The following WDR27 variants were observed in gnomAD, a reference collection of about 807,000 sequenced individuals.
The protein encoded by WDR27 is WD repeat domain 27.
A neutral mutation model predicts 114.4 loss-of-function variants in WDR27; 100 were observed. The ratio of observed to expected loss-of-function variants is 0.87; its 90% confidence interval spans 0.74 to 1.03. The LOEUF is 1.03. Among genes scored for constraint, WDR27 ranks in the 50% least tolerant of loss-of-function variants. The pLI is 0.00. For synonymous variants in WDR27, 449 were observed against 423.1 expected (o/e 1.06, Z -0.75); for missense variants, 1,129 against 1,092.9 (o/e 1.03, Z -0.47).
At chr6:169,638,407 T>C (rs1380683038) in intron 18 of WDR27, 132 bp downstream of exon 18, 2 of 1,183,246 alleles carry the variant, frequency 1.7e-6, no homozygotes, top group East Asian at 2.7e-5. Context: ...TCAGTAACTT[T>C]TATTGCATTA....
At position 169,580,933 on chromosome 6, in the gene WDR27, T is replaced by A. The variant is rs143766110; in HGVS notation, c.2523+1903A>T. Among the ~76,000 whole-genome samples the A allele has an allele frequency of 9.3e-4, 50 of 53,692 alleles. No homozygotes were observed. In the East Asian group the frequency reaches 0.048, roughly 52 times the overall value. The allele number at this position is 53,692 out of a possible 152,430, so 35.2% of individuals were successfully genotyped here. ...TTAAAAATAAGGAACTTAGTGAATT[T>A]TATATATATATATATATATACATAT... On this transcript the variant is annotated intron_variant, in intron 24 of 25. Coordinates refer to ENST00000448612, the MANE Select transcript of WDR27 (RefSeq NM_182552.5).
chr6:169,656,094 G>A (rs1562833526), intron 13 of WDR27, among the ~76,000 whole-genome samples: 1 of 152,146 alleles, frequency 6.6e-6, no homozygotes, highest in Non-Finnish European at 1.5e-5. Context: ...CCTCAGTCAG[G>A]TGGTCCCCCA....
chr6:169,524,279 G>A (rs550501321), intron 25 of WDR27, among the ~76,000 whole-genome samples: 15 of 152,084 alleles, frequency 9.9e-5, no homozygotes, highest in Admixed American at 2.6e-4. Context: ...GAAAGAAACC[G>A]AAGAGGACAT....
At chr6:169,488,749 G>C (rs1763223974) in intron 25 of WDR27, among the ~76,000 whole-genome samples, 2 of 152,182 alleles carry the variant, frequency 1.3e-5, no homozygotes, top group African/African-American at 4.8e-5. Context: ...CTGTGACTGA[G>C]GTGGGAGCAA....
At chr6:169,442,364 T>C in the WDR27 span, among the ~76,000 whole-genome samples, 1 of 152,226 alleles carries the variant, frequency 6.6e-6, no homozygotes, top group East Asian at 1.9e-4. Context: ...TGCCTGTTAA[T>C]GTTTTATGTC....
rs780563286 is a variant in WDR27, at chr6:169,647,860, G to C, written c.1570C>G (p.Pro524Ala). The change falls in exon 16 of 26, where the codon CCC becomes GCC. Residue 524 changes from proline to alanine, a missense_variant. Coordinates refer to ENST00000448612, the MANE Select transcript of WDR27 (RefSeq NM_182552.5). Reference protein sequence around the residue: ...SRSSCAREAYPVECAVPTKPG... With the variant: ...SRSSCAREAYAVECAVPTKPG... Reference sequence around the variant, plus strand: ...TTGGTGGGCACAGCGCACTCCACGGGGTATGCCTCCCTGAGGGAAGGCCAC... The same window carrying C: ...TTGGTGGGCACAGCGCACTCCACGGCGTATGCCTCCCTGAGGGAAGGCCAC... The C allele has an allele frequency of 3.8e-6, 6 of 1,561,462 alleles. No homozygotes were observed. The highest frequency in any genetic ancestry group is 5.2e-6 in the Non-Finnish European group (6 of 1,155,692).
At chr6:169,579,559 C>T (rs1027661203) in intron 24 of WDR27, among the ~76,000 whole-genome samples, 3 of 152,018 alleles carry the variant, frequency 2.0e-5, no homozygotes, top group Admixed American at 6.6e-5. Context: ...CTCTGGTTGC[C>T]CTCATTACTC....
chr6:169,584,543 C>T (rs1804180452), intron 23 of WDR27, among the ~76,000 whole-genome samples: 1 of 152,184 alleles, frequency 6.6e-6, no homozygotes, highest in Admixed American at 6.5e-5. Context: ...ACAGGGTTCC[C>T]TTGTTTCACA....
At chr6:169,578,858 G>C (rs1229453973) in intron 24 of WDR27, among the ~76,000 whole-genome samples, 2 of 152,170 alleles carry the variant, frequency 1.3e-5, no homozygotes, top group Non-Finnish European at 2.9e-5. Context: ...AGAGACTCAG[G>C]GAGATCAAGA....
intron 25 of WDR27, among the ~76,000 whole-genome samples, chr6:169,513,797 C>T (rs898150562): frequency 6.6e-6 from 1 of 151,558 alleles, no homozygotes; most frequent in African/African-American, 2.4e-5. Flanking sequence ...TTAACATAGA[C>T]TGTCTACCTC....
At chr6:169,683,743 G>C (rs1782165122) in intron 2 of WDR27, among the ~76,000 whole-genome samples, 1 of 152,120 alleles carries the variant, frequency 6.6e-6, no homozygotes, top group South Asian at 2.1e-4. Context: ...GCAAGGAAAA[G>C]GTAAGCAAAA....
At chr6:169,696,523 G>C (rs1042957304) in intron 1 of WDR27, among the ~76,000 whole-genome samples, 1 of 152,206 alleles carries the variant, frequency 6.6e-6, no homozygotes, top group African/African-American at 2.4e-5. Context: ...TTGGTGAAAG[G>C]TTTGGGGTCA....
chr6:169,505,648 T>C (rs577626791), intron 25 of WDR27, among the ~76,000 whole-genome samples: 1 of 152,304 alleles, frequency 6.6e-6, no homozygotes, highest in East Asian at 1.9e-4. Flanking sequence ...CCAGACCTAA[T>C]GGATTAGAAT....
intron 25 of WDR27, among the ~76,000 whole-genome samples, chr6:169,503,044 C>A (rs189543708): frequency 1.1e-4 from 16 of 152,260 alleles, no homozygotes; most frequent in African/African-American, 3.6e-4. Context: ...TGAGACTCTG[C>A]GGAGTACATG....
intron 22 of WDR27, among the ~76,000 whole-genome samples, chr6:169,610,900 A>C (rs1320714490): frequency 6.6e-6 from 1 of 152,106 alleles, no homozygotes; most frequent in African/African-American, 2.4e-5. Flanking sequence ...ACAAGGGGGC[A>C]GGTGGCAGGT....
chr6:169,612,417 G>C (rs1810770909), intron 22 of WDR27, among the ~76,000 whole-genome samples: 2 of 152,144 alleles, frequency 1.3e-5, no homozygotes, highest in African/African-American at 4.8e-5. Flanking sequence ...GACAGAGCGA[G>C]ACTCCGTCTC....
At position 169,701,922 on chromosome 6, in the gene WDR27, ACAGCACC is replaced by A; in HGVS notation, c.-386_-380del. ...AGACCAGCCCGCTAGGGGAGGACTC[ACAGCACC>A]CAGCTCCCAGGAGGGCACGCAGAGG... is the stretch of plus-strand genomic sequence containing the variant. On this transcript the variant is annotated 5_prime_UTR_variant, in exon 1 of 26. Coordinates refer to ENST00000448612, the MANE Select transcript of WDR27 (RefSeq NM_182552.5). 2.8e-6 allele frequency: 1 copy of A among 352,184 alleles called. No individual in the cohort carries two copies. The highest frequency in any genetic ancestry group is 2.1e-5 in the South Asian group (1 of 48,714). 21.8% of individuals were successfully genotyped at this position (352,184 alleles called of 1,614,324 possible).
intron 25 of WDR27, among the ~76,000 whole-genome samples, chr6:169,484,461 A>T (rs1788621022): frequency 6.6e-6 from 1 of 152,148 alleles, no homozygotes; most frequent in Non-Finnish European, 1.5e-5. Flanking sequence ...AATACAACTA[A>T]CCAGGGAGGT....
In WDR27 at chr6:169,643,766, A is replaced by T. The variant is rs751802640; in HGVS notation, c.1678T>A (p.Cys560Ser). ...QYSGDGQWLA[C>S]GLANHLLLVF... ...AGTAACAGATGGTTGGCCAACCCAC[A>T]GGCCAGCCACTGCCCATCTCCTGTT... The change falls in exon 17 of 26, where the codon TGT becomes AGT. Residue 560 changes from cysteine (C) to serine (S), a missense_variant. Coordinates refer to ENST00000448612, the MANE Select transcript of WDR27 (RefSeq NM_182552.5). The T allele has an allele frequency of 2.7e-5, 43 of 1,613,266 alleles. No homozygotes were observed.
Sources: gnomAD v4.1 joint callset for allele counts (sites outside exome capture counted in the v4.1 genomes callset) on GRCh38, gnomAD v4.1.1 for gene constraint, MANE v1.5 for transcripts, NCBI Gene and HGNC (gene_info 2026-07-23, HGNC 2026-07-21) for gene names.